KIR3DL3: variants seen among roughly 807,000 people sequenced by gnomAD.
KIR3DL3 encodes killer cell immunoglobulin-like receptor 3DL3.
Under a neutral mutation model 34.9 loss-of-function variants are expected in KIR3DL3, and 27 were observed. The ratio of observed to expected loss-of-function variants is 0.77; its 90% CI spans 0.57 to 1.07. The LOEUF (loss-of-function observed/expected upper bound fraction) is 1.07, where lower values mean the gene tolerates loss of function less well. Ranked by LOEUF, KIR3DL3 falls within the 50% of genes least tolerant of loss-of-function variation. The pLI, the probability that KIR3DL3 is intolerant of heterozygous loss-of-function variation, is 0.00. For synonymous variants in KIR3DL3, 217 were observed against 200.2 expected (o/e 1.08, Z -0.71); for missense variants, 681 against 528.5 (o/e 1.29, Z -2.83).
intron 3 of KIR3DL3, among the ~76,000 whole-genome samples, 197 bp downstream of exon 3, chr19:54,726,534 C>G (rs1160913382): frequency 1.4e-5 from 2 of 146,538 alleles, no homozygotes; most frequent in Non-Finnish European, 3.0e-5. Context: ...TCCATGAACC[C>G]TGTGACTATT....
At chr19:54,726,735 G>T (rs79514652) in intron 3 of KIR3DL3, among the ~76,000 whole-genome samples, 2 of 141,676 alleles carry the variant, frequency 1.4e-5, no homozygotes, top group Admixed American at 7.4e-5. Context: ...CAGCCACAGC[G>T]GGCTTTGAAG....
At chr19:54,732,582 T>C (rs2068936065) in intron 5 of KIR3DL3, among the ~76,000 whole-genome samples, 1 of 152,144 alleles carries the variant, frequency 6.6e-6, no homozygotes, top group Admixed American at 6.5e-5. Context: ...TAATAGATAA[T>C]GCTGAGTATA....
At chr19:54,729,932 G>T in intron 5 of KIR3DL3, 146 bp downstream of exon 5, 1 of 529,076 alleles carries the variant, frequency 1.9e-6, no homozygotes, top group Non-Finnish European at 3.0e-6. Context: ...GCGCAGGATG[G>T]CAGACAGGGC....
chr19:54,729,389 A>G, intron 4 of KIR3DL3, 104 bp from the exon 5 acceptor site: 1 of 1,210,302 alleles, frequency 8.3e-7, no homozygotes, highest in South Asian at 1.6e-5. Flanking sequence ...AGAGAGAAAG[A>G]GAGCATTAAG....
intron 4 of KIR3DL3, among the ~76,000 whole-genome samples, chr19:54,728,607 CAGA>C (rs2068455288): frequency 6.6e-6 from 1 of 151,846 alleles, no homozygotes; most frequent in Admixed American, 6.6e-5. Flanking sequence ...CAGAATGAGC[CAGA>C]AGAAGGGAAT....
At chr19:54,729,004 CAGAT>C (rs1398602701) in intron 4 of KIR3DL3, among the ~76,000 whole-genome samples, 1 of 54,186 alleles carries the variant, frequency 1.8e-5, no homozygotes, top group Non-Finnish European at 5.3e-5. Context: ...GATAGAAAGA[CAGAT>C]AAACACATGA....
chr19:54,726,419 A>C (rs1335623199), intron 3 of KIR3DL3, 82 bp downstream of exon 3: 21 of 1,526,616 alleles, frequency 1.4e-5, no homozygotes, highest in East Asian at 1.4e-4. Flanking sequence ...ATCAGGGTCC[A>C]ATCATCCAGG....
intron 6 of KIR3DL3, 99 bp downstream of exon 6, chr19:54,735,456 G>T (rs1415849184): frequency 6.1e-6 from 4 of 652,692 alleles, no homozygotes; most frequent in Non-Finnish European, 8.1e-6. Flanking sequence ...GATGGTCCCT[G>T]GCCCAAGGCA....
intron 5 of KIR3DL3, among the ~76,000 whole-genome samples, chr19:54,730,505 C>T (rs2068683215): frequency 1.3e-5 from 2 of 151,148 alleles, no homozygotes; most frequent in Non-Finnish European, 1.5e-5. Context: ...TTGCAGGAGG[C>T]GGAGGTTGCA....
chr19:54,730,308 C>CT (rs1325639733), intron 5 of KIR3DL3, among the ~76,000 whole-genome samples: 8 of 149,798 alleles, frequency 5.3e-5, no homozygotes, highest in African/African-American at 1.7e-4. Context: ...AATCCCAACA[C>CT]TTTGAGAGGC....
At chr19:54,727,494 G>C (rs2068315507) in intron 3 of KIR3DL3, 117 bp from the exon 4 acceptor site, 1 of 906,088 alleles carries the variant, frequency 1.1e-6, no homozygotes, top group African/African-American at 1.7e-5. Flanking sequence ...AGAACACGGA[G>C]ACACAGACAG....
At chr19:54,729,908 A>C in intron 5 of KIR3DL3, 122 bp downstream of exon 5, 1 of 811,310 alleles carries the variant, frequency 1.2e-6, no homozygotes. Flanking sequence ...CATGGGTGTA[A>C]GGGCGGGGTC....
chr19:54,725,308 T>C, intron 2 of KIR3DL3, 26 bp downstream of exon 2: 14 of 1,539,130 alleles, frequency 9.1e-6, no homozygotes, highest in Non-Finnish European at 1.2e-5. Flanking sequence ...AAACCTTAGG[T>C]TGTCATCTCC....
Position 54,726,213 on chromosome 19 carries a change from G to C in KIR3DL3, c.231G>C (p.Arg77=), listed in dbSNP as rs1451530380. Residue 77 remains arginine, a synonymous_variant, in exon 3 of 8, where the codon CGG becomes CGC. Transcript: ENST00000291860. ...CTGAGCTCTACAACAGAATATTCCG[G>C]AACAGCTTTCTCATGGGCCCTGTGA... The part of the protein sequence containing the change: ...PVPELYNRIF[R]NSFLMGPVTP... The C allele has an allele frequency of 1.7e-5, 27 of 1,613,548 alleles. No individual in the cohort carries two copies. Among genetic ancestry groups the C allele is most frequent in the Non-Finnish European group, 2.3e-5 (27 of 1,179,916 alleles).
rs2068603050 is a variant in KIR3DL3, at chr19:54,729,716, C to T, written c.879C>T (p.Cys293=). 13 of 1,596,154 alleles carry T rather than the reference C, an allele frequency of 8.1e-6. No homozygotes were observed. The highest frequency in any genetic ancestry group is 1.1e-5 in the Non-Finnish European group (13 of 1,174,656). The change falls in exon 5 of 8, where the codon TGC becomes TGT. Residue 293 remains cysteine, a synonymous_variant. Coordinates refer to ENST00000291860, the MANE Select transcript of KIR3DL3 (RefSeq NM_153443.5). The part of the protein sequence containing the change: ...GPVTHGGNYR[C]FGSFRALPHA... ...TGACCCACGGAGGGAACTACAGATGCTTCGGCTCTTTCCGTGCCCTGCCCC... is the reference window on the plus strand; with the variant it reads ...TGACCCACGGAGGGAACTACAGATGTTTCGGCTCTTTCCGTGCCCTGCCCC...
At chr19:54,730,281 C>T (rs1229397526) in intron 5 of KIR3DL3, among the ~76,000 whole-genome samples, 23 of 149,878 alleles carry the variant, frequency 1.5e-4, no homozygotes, top group African/African-American at 5.2e-4. Context: ...AGGCTGGGCA[C>T]GGTGGCTCAC....
chr19:54,727,177 C>T (rs2068276484), intron 3 of KIR3DL3, among the ~76,000 whole-genome samples: 1 of 119,182 alleles, frequency 8.4e-6, no homozygotes, highest in Non-Finnish European at 1.8e-5. Context: ...GAGAGGCTCC[C>T]AATCCCCATC....
At chr19:54,730,039 A>C (rs1600195461) in intron 5 of KIR3DL3, among the ~76,000 whole-genome samples, 1 of 151,610 alleles carries the variant, frequency 6.6e-6, no homozygotes, top group East Asian at 2.0e-4. Flanking sequence ...GACCCAGAGG[A>C]GGGAGACTGG....
intron 5 of KIR3DL3, among the ~76,000 whole-genome samples, chr19:54,733,112 C>T (rs369380140): frequency 1.5e-4 from 23 of 152,120 alleles, no homozygotes; most frequent in African/African-American, 5.1e-4. Flanking sequence ...TTGATTTTTC[C>T]TAGTAGTTTA....
Sources: gnomAD v4.1 joint callset for allele counts (sites outside exome capture counted in the v4.1 genomes callset) on GRCh38, gnomAD v4.1.1 for gene constraint, MANE v1.5 for transcripts, NCBI Gene and HGNC (gene_info 2026-07-23, HGNC 2026-07-21) for gene names.